The following GJC1 variants were observed in gnomAD, a reference collection of about 807,000 sequenced individuals.
GJC1 encodes the protein gap junction protein gamma 1.
GJC1 carries 5 observed loss-of-function variants against 29.3 expected under a neutral mutation model. That is an observed-to-expected ratio of 0.17 (90% CI 0.09 to 0.36). The LOEUF (loss-of-function observed/expected upper bound fraction) is 0.36, where lower values mean the gene tolerates loss of function less well. GJC1 is among the 10% of genes least tolerant of loss of function. GJC1 has a pLI of 1.00. For synonymous variants in GJC1, 177 were observed against 183.3 expected, an observed-to-expected ratio of 0.97 and a Z score of 0.28; for missense variants, 310 against 496.2, an observed-to-expected ratio of 0.62 and a Z score of 3.56.
intron 1 of GJC1, among the ~76,000 whole-genome samples, chr17:44,821,708 AAAAAAAAAAAAAAAAAAC>A (rs1287196109): frequency 6.8e-6 from 1 of 146,060 alleles, no homozygotes; most frequent in Non-Finnish European, 1.5e-5. Flanking sequence ...AAAAAAAAAA[AAAAAAAAAAAAAAAAAAC>A]AACAAAAAAA....
intron 2 of GJC1, among the ~76,000 whole-genome samples, chr17:44,806,401 GTTTTTTT>G (rs35152035): frequency 1.6e-5 from 2 of 122,138 alleles, no homozygotes; most frequent in African/African-American, 3.0e-5. Context: ...TCTTCTGTTT[GTTTTTTT>G]TTTTTTTTTT....
intron 1 of GJC1, among the ~76,000 whole-genome samples, chr17:44,812,310 C>G (rs1370983478): frequency 6.6e-6 from 1 of 152,092 alleles, no homozygotes; most frequent in East Asian, 1.9e-4. Flanking sequence ...GGCAACAGAG[C>G]AAGACTCTGT....
intron 1 of GJC1, among the ~76,000 whole-genome samples, chr17:44,826,398 T>C (rs1200919122): frequency 2.0e-5 from 3 of 151,876 alleles, no homozygotes; most frequent in Non-Finnish European, 2.9e-5. Context: ...GGCATGGTGG[T>C]GGACGCCTGT....
At chr17:44,811,158 T>A (rs2049976338) in intron 1 of GJC1, among the ~76,000 whole-genome samples, 1 of 152,076 alleles carries the variant, frequency 6.6e-6, no homozygotes, top group African/African-American at 2.4e-5. Flanking sequence ...CTCAGCTCAC[T>A]GCAACCTCCG....
chr17:44,820,758 G>A (rs1310453484), intron 1 of GJC1, among the ~76,000 whole-genome samples: 2 of 152,154 alleles, frequency 1.3e-5, no homozygotes, highest in Non-Finnish European at 2.9e-5. Flanking sequence ...TGCTTTATGT[G>A]CAGAGACCAG....
intron 1 of GJC1, among the ~76,000 whole-genome samples, chr17:44,809,758 C>T (rs1335480423): frequency 4.0e-5 from 6 of 151,524 alleles, no homozygotes; most frequent in South Asian, 2.1e-4. Context: ...TTAGTAGAGA[C>T]GGGGTTTCTC....
At chr17:44,828,822 T>C (rs1183981335) in intron 1 of GJC1, among the ~76,000 whole-genome samples, 1 of 152,140 alleles carries the variant, frequency 6.6e-6, no homozygotes, top group Non-Finnish European at 1.5e-5. Flanking sequence ...TCTTTTACTC[T>C]GAATAATACC....
intron 1 of GJC1, among the ~76,000 whole-genome samples, chr17:44,814,439 C>G (rs974956221): frequency 1.4e-4 from 21 of 152,036 alleles, no homozygotes; most frequent in African/African-American, 4.8e-4. Flanking sequence ...CACACCCAGC[C>G]CTGAACATTT....
intron 1 of GJC1, among the ~76,000 whole-genome samples, chr17:44,822,976 A>G (rs1222294334): frequency 6.6e-6 from 1 of 152,204 alleles, no homozygotes; most frequent in Non-Finnish European, 1.5e-5. Flanking sequence ...TTCCAAGTCC[A>G]AGAATGACTC....
chr17:44,810,805 G>A (rs935006999), intron 1 of GJC1, among the ~76,000 whole-genome samples: 4 of 151,690 alleles, frequency 2.6e-5, no homozygotes, highest in African/African-American at 7.3e-5. Context: ...ACAGGGTCTC[G>A]CTCTGTTGCC....
chr17:44,826,528 T>TAAA (rs528084857), intron 1 of GJC1, among the ~76,000 whole-genome samples: 2 of 118,108 alleles, frequency 1.7e-5, no homozygotes, highest in African/African-American at 6.3e-5. Flanking sequence ...AGACTCCGTC[T>TAAA]AAAAAAAAAA....
At chr17:44,830,296 ACTGCGCG>A (rs1196911795), upstream of GJC1, 5 of 151,448 alleles carry the variant, frequency 3.3e-5, no homozygotes, top group East Asian at 5.8e-4. This position sits in a 1 kb window ranked among gnomAD's most constrained non-coding sequence, Gnocchi z 4.3. Context: ...GCGCCTGCGC[ACTGCGCG>A]CTGCGGTGGG....
At chr17:44,828,727 A>G (rs1455663986) in intron 1 of GJC1, among the ~76,000 whole-genome samples, 2 of 152,000 alleles carry the variant, frequency 1.3e-5, no homozygotes, top group Non-Finnish European at 2.9e-5. Flanking sequence ...TTAACCCACA[A>G]CTCACAATAT....
intron 1 of GJC1, among the ~76,000 whole-genome samples, chr17:44,822,827 TA>T (rs1042919431): frequency 6.6e-6 from 1 of 151,704 alleles, no homozygotes; most frequent in Non-Finnish European, 1.5e-5. Flanking sequence ...GCAGCCAGGA[TA>T]AAAAAAGAGG....
Position 44,814,958 on chromosome 17 carries a change from A to T in GJC1, c.-96-7489T>A, listed in dbSNP as rs192891120. Among the ~76,000 whole-genome samples, 29 of 152,040 alleles carry T rather than the reference A, an allele frequency of 1.9e-4. No homozygotes were observed. In the East Asian group the frequency reaches 4.3e-3, roughly 22 times the overall value. On this transcript the variant is annotated intron_variant, in intron 1 of 2. Transcript: ENST00000592524. ...CTCAGTCTTAGGAAAAAAAAAAAAAATTTCAGGACATAAGTCTTCTCTGGC... is the reference window on the plus strand; with the variant it reads ...CTCAGTCTTAGGAAAAAAAAAAAAATTTTCAGGACATAAGTCTTCTCTGGC...
chr17:44,801,607 CTTTTTTT>C lies in GJC1; in HGVS notation c.*3013_*3019del, dbSNP rs577866530. 5 of 143,740 alleles carry C rather than the reference CTTTTTTT, an allele frequency of 3.5e-5. No homozygotes were observed. Among genetic ancestry groups the C allele is most frequent in the Admixed American group, 7.0e-5 (1 of 14,244 alleles). The allele number at this position is 143,740 out of a possible 1,614,324, so 8.9% of individuals were successfully genotyped here. A position where few individuals can be genotyped will look rare whatever the true frequency, so the allele number is the denominator to read the frequency against. On this transcript the variant is annotated 3_prime_UTR_variant, in exon 3 of 3. Transcript: ENST00000592524. ...ATCAACAGGCTCACTTTCTTTTTTT[CTTTTTTT>C]TTTTTTGAGACAAGAGTTTCACTCT... is the stretch of plus-strand genomic sequence containing the variant.
chr17:44,806,209 AT>A (rs1377909571), intron 2 of GJC1, among the ~76,000 whole-genome samples: 1 of 152,072 alleles, frequency 6.6e-6, no homozygotes, highest in Non-Finnish European at 1.5e-5. Context: ...GCAAGACTCC[AT>A]CTCAAAAAAA....
At chr17:44,825,618 T>C (rs2050164677) in intron 1 of GJC1, among the ~76,000 whole-genome samples, 3 of 151,430 alleles carry the variant, frequency 2.0e-5, no homozygotes, top group Non-Finnish European at 4.4e-5. Context: ...CTACTAAAAA[T>C]ACAAAAATTA....
intron 1 of GJC1, chr17:44,829,616 A>C (rs1450720391): frequency 6.6e-6 from 1 of 152,016 alleles, no homozygotes; most frequent in Non-Finnish European, 1.5e-5. Flanking sequence ...CGGGGAGACA[A>C]AGAGCAGCCC....
Sources: gnomAD v4.1 joint callset for allele counts (sites outside exome capture counted in the v4.1 genomes callset) on GRCh38, gnomAD v4.1.1 for gene constraint, Gnocchi (gnomAD v3.1) non-coding constraint, MANE v1.5 for transcripts, NCBI Gene and HGNC (gene_info 2026-07-23, HGNC 2026-07-21) for gene names.